The following ACOT2 variants were observed in gnomAD, a reference collection of about 807,000 sequenced individuals.
ACOT2 encodes acyl-CoA thioesterase 2, also known as acyl-coenzyme A thioesterase 2, mitochondrial.
A neutral mutation model predicts 20.1 loss-of-function variants in ACOT2; 15 were observed. The observed-to-expected ratio is 0.75, with a 90% CI of 0.50 to 1.15. The LOEUF is 1.15. Ranked by LOEUF, ACOT2 falls within the 50% of genes most tolerant of loss-of-function variation. ACOT2 has a pLI of 0.00. For synonymous variants in ACOT2, 252 were observed against 268.4 expected (o/e 0.94, Z 0.60); for missense variants, 479 against 615.3 (o/e 0.78, Z 2.34).
rs749825955 is a variant in ACOT2, at chr14:73,569,391, A to C, written c.151A>C (p.Arg51=). The C allele has an allele frequency of 6.2e-7, 1 of 1,613,960 alleles. No homozygotes were observed. Among genetic ancestry groups the C allele is most frequent in the Non-Finnish European group, 8.5e-7 (1 of 1,179,796 alleles). ...GCAGTTCCTGGGGTCTCCACAGCTG[A>C]GGCAGGTTGGTCAGATCATTAGGGT... ...SAQFLGSPQL[R]QVGQIIRVPA... The change falls in exon 1 of 3, where the codon AGG becomes CGG. Residue 51 remains arginine (R), a synonymous_variant. Coordinates refer to ENST00000238651, the MANE Select transcript of ACOT2 (RefSeq NM_006821.6).
chr14:73,570,920 AAT>A (rs1491503434), intron 1 of ACOT2, among the ~76,000 whole-genome samples: 2 of 143,184 alleles, frequency 1.4e-5, no homozygotes, highest in East Asian at 2.2e-4. Flanking sequence ...AAAAAAAAAA[AAT>A]TCAGGTAGTT....
chr14:73,574,782 A>G, intron 2 of ACOT2, 126 bp from the exon 3 acceptor site: 1 of 1,526,852 alleles, frequency 6.5e-7, no homozygotes, highest in Non-Finnish European at 8.9e-7. Flanking sequence ...CAAAGTTGCA[A>G]ATCTGGGTAA....
chr14:73,569,195 A>G (rs1889654820), upstream of ACOT2: 43 of 1,598,246 alleles, frequency 2.7e-5, no homozygotes, highest in Non-Finnish European at 3.5e-5. Context: ...GTTAGCAGAC[A>G]GCTCTGCCCT....
Position 73,569,802 on chromosome 14 carries a change from G to A in ACOT2, c.562G>A (p.Glu188Lys), listed in dbSNP as rs761134038. 1 of 1,602,974 alleles carries A rather than the reference G, an allele frequency of 6.2e-7. No individual in the cohort carries two copies. Among genetic ancestry groups the A allele is most frequent in the Non-Finnish European group, 8.5e-7 (1 of 1,175,908 alleles). Residue 188 changes from glutamate to lysine, a missense_variant, in exon 1 of 3, where the codon GAG becomes AAG. Transcript: ENST00000238651. The stretch of plus-strand genomic sequence containing the variant: ...GCGGCTGCTGTGCCAGACGCGGCAC[G>A]AGCGCTACTTCCTCCCGCCCGGGGT... ...PGRLLCQTRH[E>K]RYFLPPGVRR...
chr14:73,569,305 C>T lies in ACOT2; in HGVS notation c.65C>T (p.Ala22Val), dbSNP rs1245884793. 4 of 1,613,934 alleles carry T rather than the reference C, an allele frequency of 2.5e-6. No individual in the cohort carries two copies. The highest frequency in any genetic ancestry group is 2.7e-5 in the African/African-American group (2 of 75,056). ...SVVLRSEFKM[A>V]SSPAVLRASR... ...GTTCTCAGGTCTGAATTCAAAATGG[C>T]CTCATCTCCTGCTGTCCTTCGAGCG... The change falls in exon 1 of 3, where the codon GCC becomes GTC. Residue 22 changes from alanine to valine, a missense_variant. By Grantham distance (64) the Ala-to-Val change is moderately conservative. Transcript: ENST00000238651.
Position 73,569,349 on chromosome 14 carries a change from A to G in ACOT2, c.109A>G (p.Ser37Gly). The change falls in exon 1 of 3, where the codon AGC becomes GGC. Residue 37 changes from serine (S) to glycine (G), a missense_variant. Physicochemically the swap from Ser to Gly is moderately conservative, Grantham distance 56. Transcript: ENST00000238651. ...VLRASRLYQW[S>G]LKSSAQFLGS... ...TCGAGCGTCCCGGCTGTACCAATGG[A>G]GCCTGAAGAGTTCGGCGCAGTTCCT... The G allele has an allele frequency of 6.2e-7, 1 of 1,613,960 alleles. No individual in the cohort carries two copies. Among genetic ancestry groups the G allele is most frequent in the Non-Finnish European group, 8.5e-7 (1 of 1,179,800 alleles).
In ACOT2 at chr14:73,570,009, G is replaced by A. The variant is rs190153576; in HGVS notation, c.643+126G>A. On this transcript the variant is annotated intron_variant, in intron 1 of 2. Coordinates refer to ENST00000238651, the MANE Select transcript of ACOT2 (RefSeq NM_006821.6). ...CCCCCGGGCTATATTGCCCAGGCAG[G>A]TTTCGAATTCCTGGTCTCCAGCTAT... 3.5e-5 allele frequency: 48 copies of A among 1,390,458 alleles called. 1 individual carries two copies. The Admixed American group carries it at 1.3e-3, about 37-fold the overall frequency. The allele number at this position is 1,390,458 out of a possible 1,614,324, so 86.1% of individuals were successfully genotyped here. A position where few individuals can be genotyped will look rare whatever the true frequency, so the allele number is the denominator to read the frequency against.
intron 1 of ACOT2, among the ~76,000 whole-genome samples, chr14:73,572,645 T>A (rs1376851569): frequency 5.9e-5 from 3 of 51,104 alleles, no homozygotes; most frequent in Admixed American, 4.2e-4. Flanking sequence ...TTGCATTTTT[T>A]TTTTTTTTTT....
intron 1 of ACOT2, 49 bp from the exon 2 acceptor site, chr14:73,573,339 C>G: frequency 6.2e-7 from 1 of 1,611,516 alleles, no homozygotes; most frequent in Non-Finnish European, 8.5e-7. Flanking sequence ...AACCATCCAA[C>G]TGTTTCAGGA....
chr14:73,575,399 G>T lies in ACOT2; in HGVS notation c.1338G>T (p.Trp446Cys). The change falls in exon 3 of 3, where the codon TGG (tryptophan) becomes TGT (cysteine). Residue 446 changes from tryptophan (W) to cysteine (C), a missense_variant. By Grantham distance (215) the Trp-to-Cys change is radical. This residue lies in a region of ACOT2 where 40 missense variants were observed against 93.4 expected (regional missense o/e 0.43). Coordinates refer to ENST00000238651, the MANE Select transcript of ACOT2 (RefSeq NM_006821.6). ...CCTTGGTGGGCAGTCCTATTATCTGGGGAGGGGAGCCCAGGGCTCATGCCA... is the reference window on the plus strand; with the variant it reads ...CCTTGGTGGGCAGTCCTATTATCTGTGGAGGGGAGCCCAGGGCTCATGCCA... ...LHALVGSPII[W>C]GGEPRAHAMA... The T allele has an allele frequency of 7.7e-7, 1 of 1,293,864 alleles. No individual in the cohort carries two copies. The highest frequency in any genetic ancestry group is 1.0e-6 in the Non-Finnish European group (1 of 960,006). The allele number at this position is 1,293,864 out of a possible 1,614,324, so 80.1% of individuals were successfully genotyped here.
In ACOT2 at chr14:73,569,418, C is replaced by T. The variant is rs1338888979; in HGVS notation, c.178C>T (p.Pro60Ser). 3 of 1,613,860 alleles carry T rather than the reference C, an allele frequency of 1.9e-6. No individual in the cohort carries two copies. The highest frequency in any genetic ancestry group is 1.1e-5 in the South Asian group (1 of 91,074). ...GCAGGTTGGTCAGATCATTAGGGTT[C>T]CTGCTCGGATGGCGGCGACGCTGAT... ...LRQVGQIIRV[P>S]ARMAATLILE... is the part of the protein sequence containing the mutation. Residue 60 changes from proline (P) to serine (S), a missense_variant, in exon 1 of 3, where the codon CCT (proline) becomes TCT (serine). By Grantham distance (74) the Pro-to-Ser change is moderately conservative. Transcript: ENST00000238651.
In ACOT2 at chr14:73,569,669, C is replaced by T. The variant is rs1158766967; in HGVS notation, c.429C>T (p.Leu143=). Residue 143 remains leucine, a synonymous_variant, in exon 1 of 3, where the codon CTC becomes CTT. Transcript: ENST00000238651. Reference sequence around the variant, plus strand: ...CGGGGCTTGAGCCCATGGGGCTGCTCTGGGCCTTGGAGCCCGAGAAACCTT... The same window carrying T: ...CGGGGCTTGAGCCCATGGGGCTGCTTTGGGCCTTGGAGCCCGAGAAACCTT... ...SFAGLEPMGL[L]WALEPEKPLV... 6 of 1,608,230 alleles carry T rather than the reference C, an allele frequency of 3.7e-6. No individual in the cohort carries two copies. In the East Asian group the frequency reaches 6.7e-5, roughly 18 times the overall value.
chr14:73,574,311 CTGGAGTG>C (rs1476398742), intron 2 of ACOT2: 1 of 145,158 alleles, frequency 6.9e-6, no homozygotes, highest in African/African-American at 2.7e-5. Flanking sequence ...GTCACCCAGG[CTGGAGTG>C]CAATGGCATG....
At chr14:73,574,393 T>A (rs1889834141) in intron 2 of ACOT2, 2 of 199,966 alleles carry the variant, frequency 1.0e-5, no homozygotes, top group South Asian at 9.1e-5. Context: ...GCCTCCCACG[T>A]AGCTGTGACT....
chr14:73,570,999 A>T (rs1889731745), intron 1 of ACOT2, among the ~76,000 whole-genome samples: 1 of 146,018 alleles, frequency 6.8e-6, no homozygotes, highest in African/African-American at 2.5e-5. Flanking sequence ...TTAAATAAGA[A>T]TTCCGACTGG....
In ACOT2 at chr14:73,575,254, A is replaced by C; in HGVS notation, c.1193A>C (p.Asn398Thr). ...AACTGGAAGAGTGAGTTCTATGCTA[A>C]TGAGGCCTGTAAACGCTTGCAGGCC... ...DHNWKSEFYANEACKRLQAHG... is the reference protein window; with the variant it reads ...DHNWKSEFYATEACKRLQAHG... The change falls in exon 3 of 3, where the codon AAT becomes ACT. Residue 398 changes from asparagine (N) to threonine (T), a missense_variant. Physicochemically the swap from Asn to Thr is moderately conservative, Grantham distance 65 (BLOSUM62 0). Around this residue, in one of 4 missense-constraint regions of ACOT2, gnomAD observed 40 missense variants for 93.4 expected, o/e 0.43. Coordinates refer to ENST00000238651, the MANE Select transcript of ACOT2 (RefSeq NM_006821.6). 1 of 872,330 alleles carries C rather than the reference A, an allele frequency of 1.1e-6. No homozygotes were observed. The highest frequency in any genetic ancestry group is 1.7e-6 in the Non-Finnish European group (1 of 602,856). 54.0% of individuals were successfully genotyped at this position (872,330 alleles called of 1,614,324 possible).
At chr14:73,570,006 C>G (rs1030018771) in intron 1 of ACOT2, 123 bp downstream of exon 1, 5 of 1,394,834 alleles carry the variant, frequency 3.6e-6, no homozygotes, top group South Asian at 1.5e-5. Flanking sequence ...ATTGCCCAGG[C>G]AGGTTTCGAA....
upstream of ACOT2, chr14:73,568,991 TGC>T: frequency 1.9e-6 from 1 of 532,184 alleles, no homozygotes; most frequent in Non-Finnish European, 3.3e-6. Context: ...GCCTGGAGAC[TGC>T]TAGCTGCCTG....
rs765158390 is a variant in ACOT2, at chr14:73,573,446, G to C, written c.702G>C (p.Glu234Asp). 1 of 1,613,662 alleles carries C rather than the reference G, an allele frequency of 6.2e-7. No individual in the cohort carries two copies. The highest frequency in any genetic ancestry group is 8.5e-7 in the Non-Finnish European group (1 of 1,179,764). The change falls in exon 2 of 3, where the codon GAG (glutamate) becomes GAC (aspartate). Residue 234 changes from glutamate to aspartate, a missense_variant. By Grantham distance (45) the Glu-to-Asp change is conservative. Around this residue, in one of 4 missense-constraint regions of ACOT2, gnomAD observed 400 missense variants for 395.5 expected, o/e 1.01. Transcript: ENST00000238651. ...TCGGAACTGGAGGTGGCCTGCTGGA[G>C]TATCGGGCTAGTCTGCTGGCTGGGA... ...DMFGTGGGLLEYRASLLAGKG... is the reference protein window; with the variant it reads ...DMFGTGGGLLDYRASLLAGKG...
Sources: allele counts gnomAD v4.1 joint callset (sites outside exome capture counted in the v4.1 genomes callset), GRCh38; gene constraint gnomAD v4.1.1; regional missense constraint gnomAD v4.1.1; transcripts MANE v1.5; gene names NCBI Gene and HGNC (gene_info 2026-07-23, HGNC 2026-07-21).